TEX11: variants seen among roughly 807,000 people sequenced by gnomAD.
TEX11 encodes the protein testis expressed 11.
Under a neutral mutation model 84.4 loss-of-function variants are expected in TEX11, and 7 were observed. The ratio of observed to expected loss-of-function variants is 0.08; its 90% CI spans 0.05 to 0.16. The LOEUF (loss-of-function observed/expected upper bound fraction) is 0.16. Ranked by LOEUF, TEX11 falls within the 10% of genes least tolerant of loss-of-function variation. TEX11 has a pLI of 1.00. For missense variants in TEX11, 551 were observed against 660.5 expected, an observed-to-expected ratio of 0.83 and a Z score of 1.82; for synonymous variants, 264 against 222.8, an observed-to-expected ratio of 1.18 and a Z score of -1.64.
chrX:70,639,109 A>G (rs1461287538), intron 17 of TEX11, among the ~76,000 whole-genome samples: 1 of 111,685 alleles, frequency 9.0e-6, no homozygotes, highest in Non-Finnish European at 1.9e-5. Context: ...GGCGGGGGGA[A>G]GCGCAAGGGG....
intron 24 of TEX11, 71 bp downstream of exon 24, chrX:70,605,330 T>G: frequency 1.5e-6 from 1 of 666,224 alleles, no homozygotes; most frequent in Non-Finnish European, 2.3e-6. Flanking sequence ...CAAAAAGAAC[T>G]GCATCAGGGA....
chrX:70,639,829 C>G (rs1471428311), intron 17 of TEX11, among the ~76,000 whole-genome samples: 2 of 111,360 alleles, frequency 1.8e-5, no homozygotes, highest in Admixed American at 1.9e-4. Flanking sequence ...AAAAACAGAA[C>G]AGAAAAACTG....
chrX:70,580,180 T>A (rs746825247), intron 25 of TEX11, among the ~76,000 whole-genome samples: 2 of 112,359 alleles, frequency 1.8e-5, no homozygotes, highest in Non-Finnish European at 3.8e-5. Context: ...GAGGTCATTA[T>A]GTTAAGTGAA....
At chrX:70,907,606 C>T in intron 2 of TEX11, 147 bp downstream of exon 2, 1 of 429,251 alleles carries the variant, frequency 2.3e-6, no homozygotes, top group Non-Finnish European at 4.2e-6. Flanking sequence ...GTTGGTCAGG[C>T]TGGTCTCGAG....
chrX:70,717,749 T>C (rs2090519630), intron 13 of TEX11, among the ~76,000 whole-genome samples: 1 of 111,963 alleles, frequency 8.9e-6, no homozygotes, highest in African/African-American at 3.2e-5. Context: ...CATTATATAA[T>C]GCAACTTCCT....
chrX:70,713,043 G>T (rs1427542244), intron 13 of TEX11, among the ~76,000 whole-genome samples: 6 of 111,961 alleles, frequency 5.4e-5, no homozygotes, highest in African/African-American at 1.9e-4. Context: ...CATCTATTGA[G>T]ATAATCATGT....
At chrX:70,828,791 T>C (rs1462864493) in intron 8 of TEX11, among the ~76,000 whole-genome samples, 2 of 111,127 alleles carry the variant, frequency 1.8e-5, no homozygotes. Context: ...CCTCAAGGCA[T>C]TTAATAATCA....
intron 28 of TEX11, among the ~76,000 whole-genome samples, chrX:70,543,665 G>T (rs1033870213): frequency 1.8e-5 from 2 of 112,116 alleles, no homozygotes; most frequent in Non-Finnish European, 3.8e-5. Context: ...ATCTCCAGGA[G>T]AATTCTAGGC....
chrX:70,841,602 C>G (rs1313591882), intron 7 of TEX11, among the ~76,000 whole-genome samples: 1 of 110,416 alleles, frequency 9.1e-6, no homozygotes, highest in African/African-American at 3.3e-5. Flanking sequence ...CATTCAAAAG[C>G]TAGCAGAAGG....
chrX:70,736,827 A>G (rs2090699718), intron 11 of TEX11, among the ~76,000 whole-genome samples: 1 of 112,092 alleles, frequency 8.9e-6, no homozygotes, highest in Admixed American at 9.5e-5. Context: ...ATAATTACAA[A>G]ACAAAGAAGG....
Position 70,748,297 on chromosome X carries a change from T to C in TEX11, c.693-4078A>G, listed in dbSNP as rs186909597. On this transcript the variant is annotated intron_variant, in intron 9 of 29. Coordinates refer to ENST00000374333, the MANE Select transcript of TEX11 (RefSeq NM_031276.3). Reference sequence around the variant, plus strand: ...CATCCAGACACATGATGAGCGAAAATTATTGAACATCAAAGATGAAGAGAA... The same window carrying C: ...CATCCAGACACATGATGAGCGAAAACTATTGAACATCAAAGATGAAGAGAA... 4.8e-3 allele frequency among the ~76,000 whole-genome samples: 532 copies of C among 110,534 alleles called. 5 individuals are homozygous for C. Among genetic ancestry groups the C allele is most frequent in the Non-Finnish European group, 7.3e-3 (383 of 52,738 alleles).
intron 9 of TEX11, among the ~76,000 whole-genome samples, chrX:70,783,798 G>A (rs1276649967): frequency 9.0e-6 from 1 of 111,447 alleles, no homozygotes; most frequent in Non-Finnish European, 1.9e-5. Context: ...TCTCCGAATA[G>A]GTGAATAACA....
intron 8 of TEX11, among the ~76,000 whole-genome samples, chrX:70,812,946 C>T (rs2091265719): frequency 9.0e-6 from 1 of 111,260 alleles, no homozygotes; most frequent in African/African-American, 3.3e-5. Flanking sequence ...AAAATTGAGG[C>T]AATAATTAAT....
intron 13 of TEX11, among the ~76,000 whole-genome samples, chrX:70,704,792 C>T (rs540651335): frequency 3.2e-3 from 353 of 110,477 alleles, no homozygotes; most frequent in South Asian, 0.017. Context: ...ATGACAAGTG[C>T]TAATTTGTAT....
At position 70,740,784 on chromosome X, in the gene TEX11, G is replaced by A. The variant is rs756553436; in HGVS notation, c.760C>T (p.Arg254Trp). The A allele has an allele frequency of 1.0e-5, 12 of 1,171,469 alleles. No homozygotes were observed. In the Admixed American group the frequency reaches 1.1e-4, roughly 11 times the overall value. ...TCCAAATAATTCGTGGCTAATAGCC[G>A]TAGAACTTTAGCCTGTAAGAAAAAA... The part of the protein sequence containing the change: ...TGPEMLAKVL[R>W]LLATNYLDWD... The change falls in exon 11 of 30, where the codon CGG becomes TGG. Residue 254 changes from arginine to tryptophan, a missense_variant. Coordinates refer to ENST00000374333, the MANE Select transcript of TEX11 (RefSeq NM_031276.3).
intron 13 of TEX11, among the ~76,000 whole-genome samples, chrX:70,718,129 A>G: frequency 8.9e-6 from 1 of 111,962 alleles, no homozygotes; most frequent in Non-Finnish European, 1.9e-5. Flanking sequence ...GATGGCCAAA[A>G]GCAGCAAATG....
At chrX:70,725,392 A>C in intron 11 of TEX11, 49 bp from the exon 12 acceptor site, 1 of 954,092 alleles carries the variant, frequency 1.0e-6, no homozygotes, top group South Asian at 2.4e-5. Context: ...TGGAATGTAA[A>C]AGACAATTTT....
At chrX:70,902,032 T>C (rs2091806236) in intron 2 of TEX11, among the ~76,000 whole-genome samples, 1 of 112,591 alleles carries the variant, frequency 8.9e-6, no homozygotes, top group African/African-American at 3.2e-5. Flanking sequence ...GGAGGATCGC[T>C]TGAGCCCAGG....
At chrX:70,623,011 T>A (rs1401072370) in intron 20 of TEX11, among the ~76,000 whole-genome samples, 1 of 112,221 alleles carries the variant, frequency 8.9e-6, no homozygotes. Flanking sequence ...GTTTGGTTTG[T>A]TTGAATTCCC....
Sources: gnomAD v4.1 joint callset for allele counts (sites outside exome capture counted in the v4.1 genomes callset) on GRCh38, gnomAD v4.1.1 for gene constraint, MANE v1.5 for transcripts, NCBI Gene and HGNC (gene_info 2026-07-23, HGNC 2026-07-21) for gene names.